Variants in RALYL observed in about 807,000 individuals in gnomAD.
RALYL encodes RALY RNA binding protein like.
RALYL carries 29 observed loss-of-function variants against 35.1 expected under a neutral mutation model. The observed-to-expected ratio is 0.83, with a 90% CI of 0.61 to 1.13. RALYL has a LOEUF of 1.13. RALYL is among the 50% of genes most tolerant of loss of function. RALYL has a pLI of 0.00. For missense variants in RALYL, 359 were observed against 360.4 expected, an observed-to-expected ratio of 1.00 and a Z score of 0.03; for synonymous variants, 120 against 127.6, an observed-to-expected ratio of 0.94 and a Z score of 0.40.
chr8:84,545,501 A>G (rs1172228519), intron 2 of RALYL, among the ~76,000 whole-genome samples: 2 of 152,190 alleles, frequency 1.3e-5, no homozygotes, highest in African/African-American at 4.8e-5. Flanking sequence ...GTAAATAAAC[A>G]TAAAGGGTTG....
At chr8:84,809,901 T>TATCA (rs1206844891) in intron 4 of RALYL, among the ~76,000 whole-genome samples, 7 of 152,284 alleles carry the variant, frequency 4.6e-5, no homozygotes, top group African/African-American at 1.7e-4. Context: ...GCTAATGGTC[T>TATCA]ATCAGTTGTA....
chr8:84,789,262 G>GAAAC (rs1342965850), intron 3 of RALYL, among the ~76,000 whole-genome samples: 1 of 152,272 alleles, frequency 6.6e-6, no homozygotes, highest in East Asian at 1.9e-4. Flanking sequence ...GTTTGAAAAG[G>GAAAC]AAACAGAAGA....
At chr8:84,402,491 C>G (rs1221290345) in intron 1 of RALYL, among the ~76,000 whole-genome samples, 2 of 152,110 alleles carry the variant, frequency 1.3e-5, no homozygotes, top group African/African-American at 4.8e-5. Flanking sequence ...TAAAGACCGT[C>G]TACATGATCA....
intron 2 of RALYL, among the ~76,000 whole-genome samples, chr8:84,558,038 T>C (rs141956952): frequency 0.021 from 3,192 of 152,284 alleles, 62 homozygotes; most frequent in Admixed American, 0.032. Context: ...TTATGGATAT[T>C]ATGGCTTTAT....
chr8:84,585,738 C>A (rs1421438818), intron 2 of RALYL, among the ~76,000 whole-genome samples: 1 of 152,090 alleles, frequency 6.6e-6, no homozygotes, highest in African/African-American at 2.4e-5. Context: ...ATGTGCTGAG[C>A]ACTCTGCTAC....
At chr8:84,772,335 C>T (rs1815748590) in intron 2 of RALYL, among the ~76,000 whole-genome samples, 1 of 151,906 alleles carries the variant, frequency 6.6e-6, no homozygotes. Context: ...TATGTTTGGC[C>T]TTTGTTCTAT....
chr8:84,562,368 G>A (rs1001790386), intron 2 of RALYL, among the ~76,000 whole-genome samples: 9 of 151,810 alleles, frequency 5.9e-5, no homozygotes, highest in Admixed American at 1.3e-4. Flanking sequence ...TGTCCTCTAC[G>A]TTTAATGGTA....
intron 1 of RALYL, among the ~76,000 whole-genome samples, chr8:84,283,506 G>A (rs1382524529): frequency 6.6e-6 from 1 of 152,088 alleles, no homozygotes; most frequent in Non-Finnish European, 1.5e-5. Flanking sequence ...TGGAGAGGTA[G>A]CATCCATCTG....
chr8:84,405,885 T>A (rs2043432962), intron 1 of RALYL, among the ~76,000 whole-genome samples: 1 of 145,728 alleles, frequency 6.9e-6, no homozygotes, highest in Non-Finnish European at 1.5e-5. Flanking sequence ...AGTGGCACGA[T>A]CTCGGCTCAC....
At chr8:84,390,445 G>T (rs1860378496) in intron 1 of RALYL, among the ~76,000 whole-genome samples, 1 of 152,084 alleles carries the variant, frequency 6.6e-6, no homozygotes, top group African/African-American at 2.4e-5. Flanking sequence ...ACCTCTGGTG[G>T]AATTCGGCTG....
intron 3 of RALYL, among the ~76,000 whole-genome samples, chr8:84,782,084 T>A (rs1818326918): frequency 6.6e-6 from 1 of 151,862 alleles, no homozygotes; most frequent in Admixed American, 6.6e-5. Context: ...CTGATGCCAT[T>A]TTTCTTATGA....
chr8:84,474,087 G>A (rs1329932645), intron 1 of RALYL, among the ~76,000 whole-genome samples: 2 of 152,030 alleles, frequency 1.3e-5, no homozygotes, highest in Non-Finnish European at 2.9e-5. Flanking sequence ...TCAAATAAAA[G>A]ATGGGTTTAC....
chr8:84,729,851 G>A (rs933410193), intron 2 of RALYL, among the ~76,000 whole-genome samples: 23 of 152,114 alleles, frequency 1.5e-4, no homozygotes, highest in African/African-American at 4.8e-4. Flanking sequence ...TTGAATCTCT[G>A]AATAGACCAA....
intron 1 of RALYL, among the ~76,000 whole-genome samples, chr8:84,422,151 G>C (rs2045710497): frequency 7.1e-6 from 1 of 141,442 alleles, no homozygotes; most frequent in African/African-American, 2.7e-5. Context: ...ACCTCTGGTA[G>C]AATTCGGCTG....
chr8:84,313,511 A>G (rs1843193896), intron 1 of RALYL, among the ~76,000 whole-genome samples: 1 of 152,170 alleles, frequency 6.6e-6, no homozygotes, highest in African/African-American at 2.4e-5. Flanking sequence ...AACACATATA[A>G]CCATACACTT....
intron 1 of RALYL, among the ~76,000 whole-genome samples, chr8:84,260,076 G>A (rs1831970103): frequency 2.0e-5 from 3 of 152,112 alleles, no homozygotes; most frequent in Admixed American, 2.0e-4. Flanking sequence ...AAGAAGGATT[G>A]CACTTACAAG....
intron 4 of RALYL, among the ~76,000 whole-genome samples, chr8:84,811,682 CCA>C (rs1277014367): frequency 6.6e-6 from 1 of 152,106 alleles, no homozygotes; most frequent in Non-Finnish European, 1.5e-5. Context: ...TAATATAACC[CCA>C]GACTTCTTAG....
chr8:84,887,561 G>T (rs1293377835), intron 7 of RALYL, 43 bp from the exon 8 acceptor site: 1 of 1,543,398 alleles, frequency 6.5e-7, no homozygotes, highest in South Asian at 1.2e-5. Context: ...AATGGCTCAT[G>T]AGCAACCCAA....
At chr8:84,509,798 T>G (rs2057461579) in intron 1 of RALYL, among the ~76,000 whole-genome samples, 1 of 152,204 alleles carries the variant, frequency 6.6e-6, no homozygotes, top group South Asian at 2.1e-4. Context: ...AGTTTTGCTT[T>G]TGCTACTTTT....
Sources: allele counts gnomAD v4.1 joint callset (sites outside exome capture counted in the v4.1 genomes callset), GRCh38; gene constraint gnomAD v4.1.1; transcripts MANE v1.5; gene names NCBI Gene and HGNC (gene_info 2026-07-23, HGNC 2026-07-21).